The following NRG3 variants were observed in gnomAD, a reference collection of about 807,000 sequenced individuals.
NRG3 encodes pro-neuregulin-3, membrane-bound isoform.
NRG3 carries 31 observed loss-of-function variants against 66.9 expected under a neutral mutation model. The observed-to-expected ratio is 0.46, with a 90% confidence interval of 0.35 to 0.63. The LOEUF (loss-of-function observed/expected upper bound fraction) is 0.63, where lower values mean the gene tolerates loss of function less well. Among genes scored for constraint, NRG3 ranks in the 20% least tolerant of loss-of-function variants. NRG3 has a pLI of 0.00. For missense variants in NRG3, 910 were observed against 878.9 expected, an observed-to-expected ratio of 1.04 and a Z score of -0.45; for synonymous variants, 393 against 359.4, an observed-to-expected ratio of 1.09 and a Z score of -1.06.
At position 82,973,692 on chromosome 10, in the gene NRG3, C is replaced by G. The variant is rs891916908; in HGVS notation, c.1285-96C>G. The stretch of plus-strand genomic sequence containing the variant: ...CCTCTAGTCAGGTGACCAGGAGGAA[C>G]TGGCATTCCAGTAACTTCTCAATGC... On this transcript the variant is annotated intron_variant, in intron 6 of 8. Transcript: ENST00000372141. 3.2e-5 allele frequency: 44 copies of G among 1,368,682 alleles called. No individual in the cohort carries two copies. In the African/African-American group the frequency reaches 5.4e-4, roughly 17 times the overall value. The allele number at this position is 1,368,682 out of a possible 1,614,324, so 84.8% of individuals were successfully genotyped here.
At chr10:82,423,541 T>A (rs1046790893) in intron 2 of NRG3, among the ~76,000 whole-genome samples, 1 of 151,898 alleles carries the variant, frequency 6.6e-6, no homozygotes, top group Non-Finnish European at 1.5e-5. Flanking sequence ...AATGGCAATT[T>A]TTTTTTCTGA....
intron 4 of NRG3, among the ~76,000 whole-genome samples, chr10:82,903,893 T>A (rs1462487208): frequency 6.6e-6 from 1 of 152,080 alleles, no homozygotes; most frequent in African/African-American, 2.4e-5. Flanking sequence ...TACATATATA[T>A]ATATATGTTA....
intron 6 of NRG3, 44 bp from the exon 7 acceptor site, chr10:82,973,744 T>C (rs1368173267): frequency 4.3e-6 from 7 of 1,611,716 alleles, no homozygotes; most frequent in South Asian, 2.2e-5. Flanking sequence ...AGGCCCTCCA[T>C]AATGTATCCT....
chr10:82,928,548 T>C (rs1847237798), intron 4 of NRG3, among the ~76,000 whole-genome samples: 1 of 152,136 alleles, frequency 6.6e-6, no homozygotes, highest in Non-Finnish European at 1.5e-5. Flanking sequence ...GTTTCAGTTT[T>C]TCTGCATATG....
intron 2 of NRG3, among the ~76,000 whole-genome samples, chr10:82,467,748 T>G (rs550472124): frequency 6.6e-6 from 1 of 152,326 alleles, no homozygotes; most frequent in South Asian, 2.1e-4. Flanking sequence ...CTTCTACCAC[T>G]CTGAGACTTA....
At chr10:82,553,030 CACAA>C (rs1040955095) in intron 2 of NRG3, among the ~76,000 whole-genome samples, 11 of 149,866 alleles carry the variant, frequency 7.3e-5, no homozygotes, top group African/African-American at 2.5e-4. Context: ...AGTGATCACA[CACAA>C]ACACACACAC....
intron 4 of NRG3, among the ~76,000 whole-genome samples, chr10:82,893,742 G>A (rs890306055): frequency 6.6e-6 from 1 of 151,992 alleles, no homozygotes; most frequent in African/African-American, 2.4e-5. Flanking sequence ...AAATGTCTAG[G>A]ATGAAGCTAA....
chr10:82,596,493 C>T (rs2047288286), intron 2 of NRG3, among the ~76,000 whole-genome samples: 1 of 152,110 alleles, frequency 6.6e-6, no homozygotes, highest in South Asian at 2.1e-4. Flanking sequence ...CCATTTCAAA[C>T]TGGTTGGGCT....
chr10:82,574,360 A>G (rs180850316), intron 2 of NRG3, among the ~76,000 whole-genome samples: 93 of 151,918 alleles, frequency 6.1e-4, no homozygotes, highest in African/African-American at 2.2e-3. Flanking sequence ...GTAGAGTAGA[A>G]TGATGGTTAC....
chr10:82,019,132 G>A (rs1276504127), intron 1 of NRG3, among the ~76,000 whole-genome samples: 2 of 152,140 alleles, frequency 1.3e-5, no homozygotes, highest in East Asian at 3.9e-4. Flanking sequence ...TTTATTGAGA[G>A]TTTTTAGCAT....
chr10:82,498,048 G>A (rs1342864147), intron 2 of NRG3, among the ~76,000 whole-genome samples: 2 of 150,846 alleles, frequency 1.3e-5, no homozygotes, highest in East Asian at 1.9e-4. Flanking sequence ...GGAAAAAAAT[G>A]TCTGTTCAGG....
At chr10:82,570,364 G>A (rs1315986324) in intron 2 of NRG3, among the ~76,000 whole-genome samples, 1 of 151,472 alleles carries the variant, frequency 6.6e-6, no homozygotes, top group African/African-American at 2.4e-5. Flanking sequence ...TTCCATAGTT[G>A]TTATTTTTAC....
intron 2 of NRG3, among the ~76,000 whole-genome samples, chr10:82,486,541 A>C (rs1012093974): frequency 6.6e-6 from 1 of 152,030 alleles, no homozygotes; most frequent in Non-Finnish European, 1.5e-5. Flanking sequence ...CAGCCTCCCA[A>C]GTAGCTGGGA....
At chr10:82,924,320 G>A (rs1313743537) in intron 4 of NRG3, among the ~76,000 whole-genome samples, 3 of 151,874 alleles carry the variant, frequency 2.0e-5, no homozygotes, top group Non-Finnish European at 2.9e-5. Flanking sequence ...TGAATCAATC[G>A]CCTAAGTATC....
At chr10:82,294,635 G>A (rs1242105708) in intron 1 of NRG3, among the ~76,000 whole-genome samples, 4 of 152,080 alleles carry the variant, frequency 2.6e-5, no homozygotes, top group East Asian at 3.9e-4. Context: ...CTGCATCAGC[G>A]TTATATGCCT....
chr10:82,461,721 C>T (rs2091524356), intron 2 of NRG3, among the ~76,000 whole-genome samples: 1 of 98,864 alleles, frequency 1.0e-5, no homozygotes, highest in South Asian at 2.6e-4. Flanking sequence ...GTGCTTGATA[C>T]TTGATACAGG....
chr10:82,803,466 A>G (rs2061138828), intron 3 of NRG3, among the ~76,000 whole-genome samples: 1 of 152,236 alleles, frequency 6.6e-6, no homozygotes, highest in Non-Finnish European at 1.5e-5. Context: ...TCTTTGCTGA[A>G]GGGCACATTT....
chr10:82,718,993 A>G (rs2057138459), intron 2 of NRG3, among the ~76,000 whole-genome samples: 1 of 152,246 alleles, frequency 6.6e-6, no homozygotes, highest in South Asian at 2.1e-4. Flanking sequence ...TGAAAAAACT[A>G]GAGCTTTGTA....
chr10:82,538,660 A>G (rs1227098956), intron 2 of NRG3, among the ~76,000 whole-genome samples: 1 of 152,096 alleles, frequency 6.6e-6, no homozygotes, highest in Non-Finnish European at 1.5e-5. Context: ...GTACGAAATG[A>G]ATTTGAGATT....
Sources: allele counts gnomAD v4.1 joint callset (sites outside exome capture counted in the v4.1 genomes callset), GRCh38; gene constraint gnomAD v4.1.1; transcripts MANE v1.5; gene names NCBI Gene and HGNC (gene_info 2026-07-23, HGNC 2026-07-21).